Variants in PCDHGB5 observed in about 807,000 individuals in gnomAD.
PCDHGB5 encodes the protein protocadherin gamma-B5.
In PCDHGB5, 48 loss-of-function variants were observed where a neutral mutation model predicts 62.9. That is an observed-to-expected ratio of 0.76 (90% confidence interval 0.61 to 0.97). PCDHGB5 has a LOEUF of 0.97. Among genes scored for constraint, PCDHGB5 ranks in the 50% least tolerant of loss-of-function variants. The probability of loss-of-function intolerance (pLI) is 0.00; values close to 1 mark genes in which losing one functional copy is unlikely to be tolerated. For missense variants in PCDHGB5, 1,118 were observed against 1,198.6 expected (o/e 0.93, Z 0.99); for synonymous variants, 474 against 511.2 (o/e 0.93, Z 0.98).
In PCDHGB5 at chr5:141,477,101, G is replaced by A. The variant is rs770640663; in HGVS notation, c.2398-17706G>A. On this transcript the variant is annotated intron_variant, in intron 1 of 3. Transcript: ENST00000617380. The surrounding 1 kb of genome is among the most constrained non-coding windows in gnomAD (Gnocchi z 4.9). ...TTACATCCAGGCCAAAGACAAGGGC[G>A]CCAATCCCGAAGGAGCACATTGCAA... 2 of 1,614,262 alleles carry A rather than the reference G, an allele frequency of 1.2e-6. No individual in the cohort carries two copies. Among genetic ancestry groups the A allele is most frequent in the East Asian group, 2.2e-5 (1 of 44,884 alleles).
At chr5:141,507,809 C>G (rs866898784) in intron 3 of PCDHGB5, among the ~76,000 whole-genome samples, 1 of 152,206 alleles carries the variant, frequency 6.6e-6, no homozygotes, top group Non-Finnish European at 1.5e-5. Context: ...CCCTGGGGAA[C>G]GGACCCTGGG....
chr5:141,408,846 TGGACGGA>T, intron 1 of PCDHGB5: 1 of 1,613,698 alleles, frequency 6.2e-7, no homozygotes, highest in Non-Finnish European at 8.5e-7. Flanking sequence ...TTGACTGCCT[TGGACGGA>T]GGGGACCCAC....
rs61612330 is a variant in PCDHGB5 at position 141,454,796 on chromosome 5, A to ATTTTTTTTTTTTTTTTTTTTTTTTT, written c.2398-40006_2398-39982dup. ...AAGGAAATAATCCTCCATGGTTCTA[A>ATTTTTTTTTTTTTTTTTTTTTTTTT]TTTTTTTTTTTTTTTTTTTTTTTTT... On this transcript the variant is annotated intron_variant, in intron 1 of 3. Coordinates refer to ENST00000617380, the MANE Select transcript of PCDHGB5 (RefSeq NM_018925.3). Among the ~76,000 whole-genome samples, 7 of 77,408 alleles carry ATTTTTTTTTTTTTTTTTTTTTTTTT rather than the reference A, an allele frequency of 9.0e-5. 1 individual carries two copies. Among genetic ancestry groups the ATTTTTTTTTTTTTTTTTTTTTTTTT allele is most frequent in the East Asian group, 4.0e-4 (1 of 2,514 alleles). 50.8% of individuals were successfully genotyped at this position (77,408 alleles called of 152,430 possible). A position where few individuals can be genotyped will look rare whatever the true frequency, so the allele number is the denominator to read the frequency against.
chr5:141,492,501 G>A (rs551410616), intron 1 of PCDHGB5, among the ~76,000 whole-genome samples: 8 of 152,302 alleles, frequency 5.3e-5, no homozygotes, highest in East Asian at 1.9e-4. Flanking sequence ...CGAGGACTCC[G>A]GAGCCTCCTC....
rs753507768 is a variant in PCDHGB5 at position 141,400,097 on chromosome 5, A to C, written c.1970A>C (p.His657Pro). Residue 657 changes from histidine (H) to proline (P), a missense_variant, in exon 1 of 4, where the codon CAC (histidine) becomes CCC (proline). Coordinates refer to ENST00000617380, the MANE Select transcript of PCDHGB5 (RefSeq NM_018925.3). Reference protein sequence around the residue: ...QPPLSATATLHLVFADSLQEV... With the variant: ...QPPLSATATLPLVFADSLQEV... ...CCACTCTCCGCCACCGCCACGCTGC[A>C]CTTGGTCTTTGCTGACAGCTTGCAG... 6.2e-7 allele frequency: 1 copy of C among 1,614,048 alleles called. No homozygotes were observed. The highest frequency in any genetic ancestry group is 1.1e-5 in the South Asian group (1 of 91,084).
chr5:141,509,148 C>T (rs1345910772), intron 3 of PCDHGB5, among the ~76,000 whole-genome samples: 1 of 152,198 alleles, frequency 6.6e-6, no homozygotes, highest in Non-Finnish European at 1.5e-5. Context: ...CATCCCGGCT[C>T]TCCCCTCCCG....
At chr5:141,413,979 C>T in intron 1 of PCDHGB5, 1 of 1,613,394 alleles carries the variant, frequency 6.2e-7, no homozygotes, top group Non-Finnish European at 8.5e-7. Flanking sequence ...TGCTGACAGT[C>T]ACAGCCACCG....
rs762314174 is a variant in PCDHGB5, at chr5:141,404,905, GCC to G, written c.2397+4385_2397+4386del. The G allele has an allele frequency of 1.9e-6, 3 of 1,613,910 alleles. No homozygotes were observed. In the South Asian group the frequency reaches 3.3e-5, roughly 18 times the overall value. On this transcript the variant is annotated intron_variant, in intron 1 of 3. Coordinates refer to ENST00000617380, the MANE Select transcript of PCDHGB5 (RefSeq NM_018925.3). ...TGGTGGCTGTACAGGACCATGGCCA[GCC>G]CCCTCTCTCGGCCACTGTCACGCTC...
In PCDHGB5 at chr5:141,398,888, A is replaced by G. The variant is rs2093720509; in HGVS notation, c.761A>G (p.Asn254Ser). 2 of 1,613,968 alleles carry G rather than the reference A, an allele frequency of 1.2e-6. No individual in the cohort carries two copies. The highest frequency in any genetic ancestry group is 4.5e-5 in the East Asian group (2 of 44,876). The change falls in exon 1 of 4, where the codon AAC (asparagine) becomes AGC (serine). Residue 254 changes from asparagine to serine, a missense_variant. Asn to Ser is a conservative substitution (Grantham distance 46, BLOSUM62 1). Transcript: ENST00000617380. The stretch of plus-strand genomic sequence containing the variant: ...GTGTACAGAGTCAGCCTTCGGGAAA[A>G]CGTGCCACCAGGCACCACTGTGTTG... ...RDVYRVSLRE[N>S]VPPGTTVLQV...
chr5:141,489,335 G>T lies in PCDHGB5; in HGVS notation c.2398-5472G>T. On this transcript the variant is annotated intron_variant, in intron 1 of 3. Transcript: ENST00000617380. This position sits in a 1 kb window ranked among gnomAD's most constrained non-coding sequence, Gnocchi z 4.5. ...TGGGGCTGGGTGTCTGGGCAGCTTC[G>T]TTACTCAGTGGTGGAGGAGTCTGAG... 1.2e-6 allele frequency: 2 copies of T among 1,607,364 alleles called. No individual in the cohort carries two copies. The highest frequency in any genetic ancestry group is 1.7e-6 in the Non-Finnish European group (2 of 1,175,842).
At position 141,431,667 on chromosome 5, in the gene PCDHGB5, C is replaced by T. The variant is rs759257105; in HGVS notation, c.2397+31143C>T. ...GATTGTAATTCAGGGACAATATCAA[C>T]AATAGGGGAGTTGGACCACGAGGAG... On this transcript the variant is annotated intron_variant, in intron 1 of 3. Coordinates refer to ENST00000617380, the MANE Select transcript of PCDHGB5 (RefSeq NM_018925.3). This position sits in a 1 kb window ranked among gnomAD's most constrained non-coding sequence, Gnocchi z 4.8. 1 of 1,614,226 alleles carries T rather than the reference C, an allele frequency of 6.2e-7. No individual in the cohort carries two copies. The highest frequency in any genetic ancestry group is 1.3e-5 in the African/African-American group (1 of 75,072).
intron 1 of PCDHGB5, chr5:141,413,694 C>G (rs2095667651): frequency 1.2e-6 from 2 of 1,613,800 alleles, no homozygotes; most frequent in East Asian, 4.5e-5. Context: ...CCCTGCAGAG[C>G]TATCAGCTCA....
At chr5:141,409,872 A>T in intron 1 of PCDHGB5, 1 of 1,612,828 alleles carries the variant, frequency 6.2e-7, no homozygotes. Context: ...GACCGCAATG[A>T]CAACGCACCG....
Position 141,432,289 on chromosome 5 carries a change from C to T in PCDHGB5, c.2397+31765C>T, listed in dbSNP as rs762278053. ...CGTCCTACGTGTCCATCAACTCCGACACTGGGGTACTGTATGCGCTGAGCT... is the reference window on the plus strand; with the variant it reads ...CGTCCTACGTGTCCATCAACTCCGATACTGGGGTACTGTATGCGCTGAGCT... On this transcript the variant is annotated intron_variant, in intron 1 of 3. Coordinates refer to ENST00000617380, the MANE Select transcript of PCDHGB5 (RefSeq NM_018925.3). The surrounding 1 kb of genome is among the most constrained non-coding windows in gnomAD (Gnocchi z 6.0). The T allele has an allele frequency of 6.2e-7, 1 of 1,614,266 alleles. No homozygotes were observed. Among genetic ancestry groups the T allele is most frequent in the Admixed American group, 1.7e-5 (1 of 60,038 alleles).
Position 141,490,909 on chromosome 5 carries a change from G to C in PCDHGB5, c.2398-3898G>C. ...ATCTCTGCATGTGTTTGTCCTAGAC[G>C]AGAATGATAATGCCCCAGCTGTGCT... On this transcript the variant is annotated intron_variant, in intron 1 of 3. Coordinates refer to ENST00000617380, the MANE Select transcript of PCDHGB5 (RefSeq NM_018925.3). This position sits in a 1 kb window ranked among gnomAD's most constrained non-coding sequence, Gnocchi z 5.4. 1 of 1,613,744 alleles carries C rather than the reference G, an allele frequency of 6.2e-7. No individual in the cohort carries two copies. The highest frequency in any genetic ancestry group is 2.2e-5 in the East Asian group (1 of 44,870).
chr5:141,401,613 G>A (rs906957282), intron 1 of PCDHGB5, among the ~76,000 whole-genome samples: 1 of 152,162 alleles, frequency 6.6e-6, no homozygotes, highest in Admixed American at 6.5e-5. Flanking sequence ...AAAAGACACC[G>A]GATTTGTCTT....
In PCDHGB5 at chr5:141,399,581, A is replaced by G. The variant is rs375436846; in HGVS notation, c.1454A>G (p.Tyr485Cys). 20 of 1,613,788 alleles carry G rather than the reference A, an allele frequency of 1.2e-5. No homozygotes were observed. The highest frequency in any genetic ancestry group is 1.4e-5 in the Non-Finnish European group (17 of 1,179,866). Residue 485 changes from tyrosine (Y) to cysteine (C), a missense_variant, in exon 1 of 4, where the codon TAC becomes TGC. Tyr to Cys is a radical substitution (Grantham distance 194, BLOSUM62 -2). Around this residue, in one of 2 missense-constraint regions of PCDHGB5, gnomAD observed 1,034 missense variants for 1,029.1 expected, o/e 1.00. Transcript: ENST00000617380. ...LDLGLNGQVS[Y>C]SIMASDLEPL... The stretch of plus-strand genomic sequence containing the variant: ...TTGGGGTTGAACGGCCAAGTCTCCT[A>G]CTCTATCATGGCCAGCGACCTAGAG...
At position 141,487,507 on chromosome 5, in the gene PCDHGB5, A is replaced by C; in HGVS notation, c.2398-7300A>C. 6.2e-7 allele frequency: 1 copy of C among 1,614,138 alleles called. No individual in the cohort carries two copies. Among genetic ancestry groups the C allele is most frequent in the Non-Finnish European group, 8.5e-7 (1 of 1,180,028 alleles). On this transcript the variant is annotated intron_variant, in intron 1 of 3. Coordinates refer to ENST00000617380, the MANE Select transcript of PCDHGB5 (RefSeq NM_018925.3). This position sits in a 1 kb window ranked among gnomAD's most constrained non-coding sequence, Gnocchi z 5.0. ...ATGGCTGTACACCCTTGGCTTCTGC[A>C]CCCACTCGGAGTGATAGCTTCATGA...
rs570809952 is a variant in PCDHGB5 at position 141,463,609 on chromosome 5, C to T, written c.2398-31198C>T. 4.6e-5 allele frequency among the ~76,000 whole-genome samples: 7 copies of T among 151,964 alleles called. No homozygotes were observed. In the East Asian group the frequency reaches 9.7e-4, roughly 21 times the overall value. The stretch of plus-strand genomic sequence containing the variant: ...GACTACAGGTGCCTGCCACCATGCC[C>T]GGCTAATTTTTTGTATTTTGTTTAG... On this transcript the variant is annotated intron_variant, in intron 1 of 3. Coordinates refer to ENST00000617380, the MANE Select transcript of PCDHGB5 (RefSeq NM_018925.3).
Sources: gnomAD v4.1 joint callset for allele counts (sites outside exome capture counted in the v4.1 genomes callset) on GRCh38, gnomAD v4.1.1 for gene constraint, gnomAD v4.1.1 regional missense constraint, Gnocchi (gnomAD v3.1) non-coding constraint, MANE v1.5 for transcripts, NCBI Gene and HGNC (gene_info 2026-07-23, HGNC 2026-07-21) for gene names.